Variants in ERCC6L2 observed in about 807,000 individuals in gnomAD.
The protein encoded by ERCC6L2 is ERCC excision repair 6 like 2.
A neutral mutation model predicts 132.0 loss-of-function variants in ERCC6L2; 77 were observed. The ratio of observed to expected loss-of-function variants is 0.58; its 90% CI spans 0.49 to 0.71. The LOEUF is 0.71. Ranked by LOEUF, ERCC6L2 falls within the 30% of genes least tolerant of loss-of-function variation. The probability of loss-of-function intolerance (pLI) is 0.00; values close to 1 mark genes in which losing one functional copy is unlikely to be tolerated. For missense variants in ERCC6L2, 1,542 were observed against 1,837.6 expected, an observed-to-expected ratio of 0.84 and a Z score of 2.94; for synonymous variants, 583 against 632.4, an observed-to-expected ratio of 0.92 and a Z score of 1.17.
At chr9:95,927,679 T>C (rs536991702) in intron 9 of ERCC6L2, among the ~76,000 whole-genome samples, 82 of 152,330 alleles carry the variant, frequency 5.4e-4, no homozygotes, top group Non-Finnish European at 9.8e-4. Context: ...ATTACATCCA[T>C]CTAGGGACAA....
chr9:95,885,108 A>AT (rs957991011), intron 2 of ERCC6L2, among the ~76,000 whole-genome samples: 7 of 151,786 alleles, frequency 4.6e-5, no homozygotes, highest in South Asian at 2.1e-4. Flanking sequence ...CAGGTTGCAG[A>AT]TTTTTTTTTG....
chr9:95,886,889 T>A (rs1827898296), intron 2 of ERCC6L2, among the ~76,000 whole-genome samples: 1 of 152,168 alleles, frequency 6.6e-6, no homozygotes, highest in Non-Finnish European at 1.5e-5. Context: ...CAGAAAAATG[T>A]GAAGAGAGAG....
At chr9:96,037,201 G>T (rs1834530567) in intron 19 of ERCC6L2, among the ~76,000 whole-genome samples, 2 of 152,224 alleles carry the variant, frequency 1.3e-5, no homozygotes, top group Non-Finnish European at 2.9e-5. Context: ...GAGCTGGCCA[G>T]CCCTTAGGTA....
chr9:95,889,383 G>A lies in ERCC6L2; in HGVS notation c.471+8090G>A, dbSNP rs908043853. On this transcript the variant is annotated intron_variant, in intron 2 of 18. Transcript: ENST00000653738. ...ATATTACCTCATTTAAATTGTTATG[G>A]TATCTAATAGGTATCTCTCTTGTCT... Among the ~76,000 whole-genome samples, 6 of 152,174 alleles carry A rather than the reference G, an allele frequency of 3.9e-5. 1 individual carries two copies. In the South Asian group the frequency reaches 8.3e-4, roughly 21 times the overall value.
intron 4 of ERCC6L2, among the ~76,000 whole-genome samples, chr9:95,910,195 T>C (rs568629328): frequency 6.6e-6 from 1 of 152,240 alleles, no homozygotes; most frequent in Non-Finnish European, 1.5e-5. Flanking sequence ...TAATTGTAGA[T>C]ATGTTTATTT....
intron 11 of ERCC6L2, among the ~76,000 whole-genome samples, chr9:95,940,039 C>T (rs975290601): frequency 6.6e-6 from 1 of 152,144 alleles, no homozygotes; most frequent in African/African-American, 2.4e-5. Context: ...TCCCACCTGG[C>T]GTCCCCTGAC....
chr9:95,926,636 T>C (rs1044656117), intron 9 of ERCC6L2, among the ~76,000 whole-genome samples: 1 of 152,070 alleles, frequency 6.6e-6, no homozygotes, highest in African/African-American at 2.4e-5. Flanking sequence ...GAGGAAAGAA[T>C]GAGTAGGTGA....
At chr9:96,020,693 C>A, downstream of ERCC6L2, 1 of 436,008 alleles carries the variant, frequency 2.3e-6, no homozygotes, top group Non-Finnish European at 4.6e-6. Flanking sequence ...ACAAGCAAGG[C>A]TTCCGCAGCT....
intron 11 of ERCC6L2, among the ~76,000 whole-genome samples, chr9:95,933,621 G>T (rs1049952674): frequency 1.3e-5 from 2 of 152,114 alleles, no homozygotes; most frequent in African/African-American, 4.8e-5. Flanking sequence ...AAAACGGATG[G>T]ATCACCTGAG....
intron 17 of ERCC6L2, among the ~76,000 whole-genome samples, chr9:95,978,440 A>G (rs1832762542): frequency 6.6e-6 from 1 of 152,204 alleles, no homozygotes. Flanking sequence ...TGAGTTGCTT[A>G]ATAGTTTCTC....
At position 96,013,817 on chromosome 9, in the gene ERCC6L2, T is replaced by C. The variant is rs1834114897; in HGVS notation, c.*614T>C. 1 of 152,190 alleles carries C rather than the reference T, an allele frequency of 6.6e-6. No homozygotes were observed. The highest frequency in any genetic ancestry group is 2.1e-4 in the South Asian group (1 of 4,822). The allele number at this position is 152,190 out of a possible 1,614,324, so 9.4% of individuals were successfully genotyped here. A position where few individuals can be genotyped will look rare whatever the true frequency, so the allele number is the denominator to read the frequency against. Reference sequence around the variant, plus strand: ...TTTGCAACAGCTCAAAATTAAAAGGTTAATGTTATACACTTTACTATATGA... The same window carrying C: ...TTTGCAACAGCTCAAAATTAAAAGGCTAATGTTATACACTTTACTATATGA... On this transcript the variant is annotated 3_prime_UTR_variant, in exon 19 of 19. Transcript: ENST00000653738.
intron 17 of ERCC6L2, among the ~76,000 whole-genome samples, chr9:96,001,738 G>A (rs1212384525): frequency 6.6e-6 from 1 of 152,276 alleles, no homozygotes; most frequent in Non-Finnish European, 1.5e-5. Flanking sequence ...GCCCTTGGGT[G>A]GTTGATGGGA....
intron 17 of ERCC6L2, among the ~76,000 whole-genome samples, chr9:96,004,079 A>T (rs907616872): frequency 3.9e-5 from 6 of 152,204 alleles, no homozygotes; most frequent in African/African-American, 1.4e-4. Context: ...TATTTATTTA[A>T]TTATTACATA....
intron 16 of ERCC6L2, 107 bp from the exon 17 acceptor site, chr9:95,977,954 T>C (rs1832738414): frequency 1.6e-6 from 1 of 642,522 alleles, no homozygotes; most frequent in Admixed American, 4.1e-5. Flanking sequence ...AAGAATATTG[T>C]GATGTTGATG....
chr9:95,964,978 A>G (rs1373051978), intron 13 of ERCC6L2, among the ~76,000 whole-genome samples: 11 of 152,204 alleles, frequency 7.2e-5, no homozygotes, highest in Admixed American at 6.5e-4. Flanking sequence ...TGACAATATC[A>G]GTGTTTAAGG....
At chr9:95,887,167 G>T (rs1827916696) in intron 2 of ERCC6L2, among the ~76,000 whole-genome samples, 2 of 151,946 alleles carry the variant, frequency 1.3e-5, no homozygotes, top group Non-Finnish European at 2.9e-5. Context: ...AGGAAATGAG[G>T]CCAAGAGTCA....
intron 18 of ERCC6L2, among the ~76,000 whole-genome samples, chr9:96,010,007 A>G (rs1480288996): frequency 6.6e-6 from 1 of 152,212 alleles, no homozygotes; most frequent in Non-Finnish European, 1.5e-5. Flanking sequence ...TTACAAACAC[A>G]AATATTTAAT....
Position 95,972,679 on chromosome 9 carries a change from C to T in ERCC6L2, c.2928C>T (p.Thr976=). Residue 976 remains threonine (T), a synonymous_variant, in exon 16 of 19, where the codon ACC becomes ACT. Transcript: ENST00000653738. ...AATCTATTTTGAAAAGAAAAGGCAC[C>T]AGTGATATCAGTGATGAATCTGATG... The part of the protein sequence containing the change: ...TLKSILKRKG[T]SDISDESDDI... The T allele has an allele frequency of 7.7e-7, 1 of 1,299,626 alleles. No individual in the cohort carries two copies. The highest frequency in any genetic ancestry group is 1.0e-6 in the Non-Finnish European group (1 of 988,886). 80.5% of individuals were successfully genotyped at this position (1,299,626 alleles called of 1,614,324 possible).
chr9:95,921,285 T>C lies in ERCC6L2; in HGVS notation c.1269T>C (p.Ser423=), dbSNP rs747471239. ...LQSSEPCTCR[S]GQKRRNCCYK... ...CTTCTGAGCCTTGTACCTGTAGGAG[T>C]GGCCAAAAAAGGAGAAATTGTTGTT... Residue 423 remains serine, a synonymous_variant, in exon 7 of 19, where the codon AGT becomes AGC. Transcript: ENST00000653738. The C allele has an allele frequency of 1.9e-6, 3 of 1,611,056 alleles. No homozygotes were observed. The highest frequency in any genetic ancestry group is 2.2e-5 in the East Asian group (1 of 44,718).
Sources: allele counts gnomAD v4.1 joint callset (sites outside exome capture counted in the v4.1 genomes callset), GRCh38; gene constraint gnomAD v4.1.1; transcripts MANE v1.5; gene names NCBI Gene and HGNC (gene_info 2026-07-23, HGNC 2026-07-21).